TNIK: variants seen among roughly 807,000 people sequenced by gnomAD.
TNIK encodes TRAF2 and NCK-interacting protein kinase.
A neutral mutation model predicts 191.3 loss-of-function variants in TNIK; 49 were observed. The ratio of observed to expected loss-of-function variants is 0.26; its 90% CI spans 0.20 to 0.32. TNIK has a LOEUF of 0.32. Ranked by LOEUF, TNIK falls within the 10% of genes least tolerant of loss-of-function variation. The pLI, the probability that TNIK is intolerant of heterozygous loss-of-function variation, is 1.00. For missense variants in TNIK, 1,155 were observed against 1,702.3 expected, an observed-to-expected ratio of 0.68 and a Z score of 5.66; for synonymous variants, 594 against 600.9, an observed-to-expected ratio of 0.99 and a Z score of 0.17.
At chr3:171,376,976 T>C (rs77251283) in intron 1 of TNIK, among the ~76,000 whole-genome samples, 2,169 of 152,312 alleles carry the variant, frequency 0.014, 48 homozygotes, top group African/African-American at 0.049. Context: ...GTTTTCTTCA[T>C]CTGTAATTTG....
intron 9 of TNIK, 102 bp from the exon 10 acceptor site, chr3:171,167,372 A>T: frequency 1.4e-6 from 2 of 1,415,642 alleles, no homozygotes; most frequent in Admixed American, 4.5e-5. Flanking sequence ...TTTAAGGTCC[A>T]ATTGGCTGGC....
chr3:171,295,224 C>T (rs1215009244), intron 2 of TNIK, among the ~76,000 whole-genome samples: 1 of 152,098 alleles, frequency 6.6e-6, no homozygotes, highest in Non-Finnish European at 1.5e-5. Flanking sequence ...AGGTAACTGC[C>T]CTAAGATTTG....
At chr3:171,127,001 C>T (rs1728568805) in intron 16 of TNIK, among the ~76,000 whole-genome samples, 1 of 152,216 alleles carries the variant, frequency 6.6e-6, no homozygotes. Context: ...CTAAGCGTGT[C>T]TCCTATTACT....
chr3:171,445,735 A>T (rs1358220868), intron 1 of TNIK, among the ~76,000 whole-genome samples: 1 of 152,180 alleles, frequency 6.6e-6, no homozygotes, highest in Non-Finnish European at 1.5e-5. Flanking sequence ...CAAACTAAAG[A>T]TGTTTCATTT....
chr3:171,222,211 T>A (rs1244424966), intron 3 of TNIK, among the ~76,000 whole-genome samples: 1 of 152,170 alleles, frequency 6.6e-6, no homozygotes, highest in Non-Finnish European at 1.5e-5. Flanking sequence ...TTTCTCATCC[T>A]ATAATAAGAT....
At chr3:171,401,627 G>A (rs966157672) in intron 1 of TNIK, among the ~76,000 whole-genome samples, 1 of 152,004 alleles carries the variant, frequency 6.6e-6, no homozygotes, top group South Asian at 2.1e-4. Flanking sequence ...CAGGAGGAGG[G>A]GCAACACTTT....
intron 2 of TNIK, chr3:171,347,335 C>T: frequency 9.1e-7 from 1 of 1,093,296 alleles, no homozygotes; most frequent in Non-Finnish European, 1.3e-6. Flanking sequence ...CATCTAGATG[C>T]CTGGTATACA....
chr3:171,145,126 G>A (rs182765630), intron 12 of TNIK, among the ~76,000 whole-genome samples: 13 of 142,564 alleles, frequency 9.1e-5, no homozygotes, highest in African/African-American at 2.4e-4. Flanking sequence ...TTGCTCTGTC[G>A]CCCAGGCTGG....
At chr3:171,420,355 C>G (rs1230113756) in intron 1 of TNIK, among the ~76,000 whole-genome samples, 1 of 152,162 alleles carries the variant, frequency 6.6e-6, no homozygotes. Context: ...CTGCTCAGTA[C>G]ATGAAGGCAA....
chr3:171,286,229 A>G (rs78432649), intron 2 of TNIK, among the ~76,000 whole-genome samples: 2,927 of 152,288 alleles, frequency 0.019, 96 homozygotes, highest in African/African-American at 0.067. Flanking sequence ...TTCTTCATCC[A>G]CCACTGTAAC....
At chr3:171,375,535 G>C (rs1041941482) in intron 1 of TNIK, among the ~76,000 whole-genome samples, 11 of 151,354 alleles carry the variant, frequency 7.3e-5, no homozygotes, top group Admixed American at 5.9e-4. Context: ...CTTTCTTTCA[G>C]CTGATGAAAT....
intron 12 of TNIK, among the ~76,000 whole-genome samples, chr3:171,152,652 T>C (rs1226070843): frequency 6.6e-6 from 1 of 152,178 alleles, no homozygotes; most frequent in Non-Finnish European, 1.5e-5. Context: ...TTGACGTCTT[T>C]TCACTCCAAG....
At chr3:171,420,628 GTTTAAC>G (rs1258764589) in intron 1 of TNIK, among the ~76,000 whole-genome samples, 2 of 152,126 alleles carry the variant, frequency 1.3e-5, no homozygotes, top group African/African-American at 4.8e-5. Context: ...CTATGGTAAA[GTTTAAC>G]TTATAAATTA....
chr3:171,246,289 A>T (rs948495472), intron 2 of TNIK, among the ~76,000 whole-genome samples: 2 of 151,288 alleles, frequency 1.3e-5, no homozygotes, highest in African/African-American at 4.9e-5. Context: ...AACCAGATAA[A>T]AAAAAAAAAA....
chr3:171,441,029 C>T (rs1017252152), intron 1 of TNIK, among the ~76,000 whole-genome samples: 7 of 152,266 alleles, frequency 4.6e-5, no homozygotes, highest in Admixed American at 3.3e-4. Context: ...TAAAGAATGA[C>T]ACGAAAATAC....
intron 2 of TNIK, among the ~76,000 whole-genome samples, chr3:171,364,430 C>G (rs904545262): frequency 6.7e-6 from 1 of 148,710 alleles, no homozygotes; most frequent in African/African-American, 2.5e-5. Context: ...TTCTAAAGTA[C>G]AAAGATTAAC....
At chr3:171,354,080 T>G (rs7618437) in intron 2 of TNIK, among the ~76,000 whole-genome samples, 4,974 of 152,148 alleles carry the variant, frequency 0.033, 279 homozygotes, top group African/African-American at 0.11. Context: ...TTTCTTGAAC[T>G]GATAACAATT....
Position 171,118,337 on chromosome 3 carries a change from C to A in TNIK, c.2120+5259G>T, listed in dbSNP as rs552705531. Among the ~76,000 whole-genome samples, 7 of 152,290 alleles carry A rather than the reference C, an allele frequency of 4.6e-5. 1 individual carries two copies. The South Asian group carries it at 1.5e-3, about 32-fold the overall frequency. ...TTTCATGCTCATGGATAGGAAGAATCAATATCGTGAAAATGGCCATACTGC... is the reference window on the plus strand; with the variant it reads ...TTTCATGCTCATGGATAGGAAGAATAAATATCGTGAAAATGGCCATACTGC... On this transcript the variant is annotated intron_variant, in intron 18 of 32. Coordinates refer to ENST00000436636, the MANE Select transcript of TNIK (RefSeq NM_015028.4).
In TNIK at chr3:171,366,153, T is replaced by C. The variant is rs907669784; in HGVS notation, c.123+3467A>G. On this transcript the variant is annotated intron_variant, in intron 2 of 32. Coordinates refer to ENST00000436636, the MANE Select transcript of TNIK (RefSeq NM_015028.4). The surrounding 1 kb of genome is among the most constrained non-coding windows in gnomAD (Gnocchi z 4.1). ...CTTTAGTAAATGGGTATGTGGCCTT[T>C]TGTTGGTTTATTTTTTAATGCAGCC... Among the ~76,000 whole-genome samples the C allele has an allele frequency of 6.6e-6, 1 of 152,220 alleles. No individual in the cohort carries two copies. Among genetic ancestry groups the C allele is most frequent in the Non-Finnish European group, 1.5e-5 (1 of 68,034 alleles).
Sources: gnomAD v4.1 joint callset for allele counts (sites outside exome capture counted in the v4.1 genomes callset) on GRCh38, gnomAD v4.1.1 for gene constraint, Gnocchi (gnomAD v3.1) non-coding constraint, MANE v1.5 for transcripts, NCBI Gene and HGNC (gene_info 2026-07-23, HGNC 2026-07-21) for gene names.